Variants in BICD1 observed in about 807,000 individuals in gnomAD.
BICD1 encodes the protein protein bicaudal D homolog 1.
BICD1 carries 35 observed loss-of-function variants against 92.5 expected under a neutral mutation model. That is an observed-to-expected ratio of 0.38 (90% CI 0.29 to 0.50). BICD1 has a LOEUF of 0.50. BICD1 is among the 20% of genes least tolerant of loss of function. The probability of loss-of-function intolerance (pLI) is 0.93; values close to 1 mark genes in which losing one functional copy is unlikely to be tolerated. For missense variants in BICD1, 950 were observed against 1,189.8 expected (o/e 0.80, Z 2.97); for synonymous variants, 429 against 465.1 (o/e 0.92, Z 1.00).
chr12:32,260,638 C>CTT (rs35105546), intron 2 of BICD1, among the ~76,000 whole-genome samples: 1 of 145,238 alleles, frequency 6.9e-6, no homozygotes, highest in Non-Finnish European at 1.5e-5. Context: ...TATTCTAGTA[C>CTT]TTTTTTTTTT....
At chr12:32,360,567 A>G (rs1428104843) in intron 8 of BICD1, among the ~76,000 whole-genome samples, 2 of 152,196 alleles carry the variant, frequency 1.3e-5, no homozygotes, top group South Asian at 2.1e-4. Context: ...CACATTCTCT[A>G]TCTCATAAGA....
intron 1 of BICD1, among the ~76,000 whole-genome samples, chr12:32,142,391 A>T (rs1386562972): frequency 1.4e-5 from 2 of 142,008 alleles, no homozygotes; most frequent in Admixed American, 1.4e-4. Context: ...TGGGCAAAAG[A>T]GTGAGACTCT....
At chr12:32,377,232 C>T (rs971203307) in intron 9 of BICD1, among the ~76,000 whole-genome samples, 20 of 151,916 alleles carry the variant, frequency 1.3e-4, no homozygotes, top group Admixed American at 3.3e-4. Flanking sequence ...AGAACAAGAC[C>T]GTGCAAAAAT....
intron 2 of BICD1, among the ~76,000 whole-genome samples, chr12:32,234,368 C>T (rs532992333): frequency 1.8e-4 from 28 of 152,210 alleles, no homozygotes; most frequent in South Asian, 6.2e-4. Context: ...GAGGCCGAGG[C>T]GGGCAGATCA....
intron 4 of BICD1, among the ~76,000 whole-genome samples, chr12:32,315,608 A>G (rs1948476606): frequency 6.6e-6 from 1 of 152,172 alleles, no homozygotes; most frequent in South Asian, 2.1e-4. Context: ...GGGGCTGTTT[A>G]TCCCTTTATT....
At chr12:32,295,656 CTT>C (rs142531197) in intron 3 of BICD1, among the ~76,000 whole-genome samples, 37 of 140,522 alleles carry the variant, frequency 2.6e-4, no homozygotes, top group Admixed American at 2.8e-4. Context: ...AATTTGATTT[CTT>C]TTTTTTTTTT....
At chr12:32,285,765 T>C (rs1048084436) in intron 2 of BICD1, among the ~76,000 whole-genome samples, 2 of 152,132 alleles carry the variant, frequency 1.3e-5, no homozygotes, top group African/African-American at 2.4e-5. Flanking sequence ...TCCCTTTCTC[T>C]CATGCATTAT....
intron 1 of BICD1, among the ~76,000 whole-genome samples, chr12:32,210,325 T>G (rs576324157): frequency 6.6e-6 from 1 of 152,190 alleles, no homozygotes; most frequent in Non-Finnish European, 1.5e-5. Flanking sequence ...GCCACAGTTT[T>G]TGAGATGAAA....
intron 1 of BICD1, chr12:32,108,750 C>G: frequency 1.6e-6 from 1 of 633,516 alleles, no homozygotes; most frequent in Non-Finnish European, 2.9e-6. Context: ...TATTTGGATG[C>G]CTGTCTACCA....
chr12:32,115,043 G>A (rs369569476), intron 1 of BICD1, among the ~76,000 whole-genome samples: 4 of 151,896 alleles, frequency 2.6e-5, no homozygotes, highest in Admixed American at 6.6e-5. Context: ...TGTGGGCGGC[G>A]GGGGAGTTTC....
intron 1 of BICD1, among the ~76,000 whole-genome samples, chr12:32,152,172 G>A (rs918470871): frequency 6.6e-6 from 1 of 151,978 alleles, no homozygotes; most frequent in African/African-American, 2.4e-5. Flanking sequence ...GCCCAGGCTG[G>A]TCTTGAACTC....
chr12:32,325,399 C>T (rs935153175), intron 4 of BICD1, among the ~76,000 whole-genome samples: 1 of 152,146 alleles, frequency 6.6e-6, no homozygotes, highest in East Asian at 1.9e-4. Flanking sequence ...GACTGAAGTG[C>T]TGGCAGCAAA....
At chr12:32,204,074 C>T (rs1037629234) in intron 1 of BICD1, among the ~76,000 whole-genome samples, 15 of 151,964 alleles carry the variant, frequency 9.9e-5, no homozygotes, top group East Asian at 5.8e-4. Context: ...TGAGGTTGGG[C>T]GTGGTGGCTC....
chr12:32,188,104 AATTTTTGT>A (rs1473535682), intron 1 of BICD1, among the ~76,000 whole-genome samples: 2 of 152,054 alleles, frequency 1.3e-5, no homozygotes, highest in East Asian at 3.9e-4. Flanking sequence ...ATGCCTGGCT[AATTTTTGT>A]ATTTTTGTAG....
intron 1 of BICD1, among the ~76,000 whole-genome samples, chr12:32,194,593 T>C (rs1176688751): frequency 6.6e-6 from 1 of 151,978 alleles, no homozygotes; most frequent in Non-Finnish European, 1.5e-5. Context: ...TCAGAAAGAA[T>C]AAAATAGGCC....
intron 2 of BICD1, among the ~76,000 whole-genome samples, chr12:32,225,712 C>T (rs1170234363): frequency 1.4e-5 from 2 of 146,042 alleles, no homozygotes; most frequent in Admixed American, 7.1e-5. Context: ...CCTCCACCTT[C>T]CGGGTTCAAG....
chr12:32,108,745 G>C, intron 1 of BICD1: 1 of 640,234 alleles, frequency 1.6e-6, no homozygotes, highest in South Asian at 1.8e-5. Context: ...ATTTTTATTT[G>C]GATGCCTGTC....
intron 2 of BICD1, among the ~76,000 whole-genome samples, chr12:32,252,035 T>TATATATTTATAATAAATATC (rs1202674454): frequency 5.0e-5 from 4 of 80,012 alleles, no homozygotes; most frequent in African/African-American, 1.3e-4. Flanking sequence ...ATATTTATAA[T>TATATATTTATAATAAATATC]ATATATTTAT....
chr12:32,266,089 G>A (rs1946988688), intron 2 of BICD1, among the ~76,000 whole-genome samples: 1 of 152,098 alleles, frequency 6.6e-6, no homozygotes, highest in African/African-American at 2.4e-5. Flanking sequence ...CCTCATCTAA[G>A]CACAGACACG....
Sources: gnomAD v4.1 joint callset for allele counts (sites outside exome capture counted in the v4.1 genomes callset) on GRCh38, gnomAD v4.1.1 for gene constraint, MANE v1.5 for transcripts, NCBI Gene and HGNC (gene_info 2026-07-23, HGNC 2026-07-21) for gene names.